VPS13A: variants seen among roughly 807,000 people sequenced by gnomAD.
The protein encoded by VPS13A is vacuolar protein sorting 13 homolog A.
In VPS13A, 264 loss-of-function variants were observed where a neutral mutation model predicts 390.9. The ratio of observed to expected loss-of-function variants is 0.68; its 90% confidence interval spans 0.61 to 0.75. VPS13A has a LOEUF of 0.75. Ranked by LOEUF, VPS13A falls within the 30% of genes least tolerant of loss-of-function variation. The probability of loss-of-function intolerance (pLI) is 0.00; values close to 1 mark genes in which losing one functional copy is unlikely to be tolerated. For synonymous variants in VPS13A, 1,231 were observed against 1,227.1 expected (o/e 1.00, Z -0.07); for missense variants, 3,409 against 3,733.9 (o/e 0.91, Z 2.27).
intron 9 of VPS13A, among the ~76,000 whole-genome samples, chr9:77,213,998 A>G (rs2131156401): frequency 6.6e-6 from 1 of 151,842 alleles, no homozygotes; most frequent in South Asian, 2.1e-4. Flanking sequence ...GAATATGGCT[A>G]GGCGTGGTGG....
chr9:77,345,255 T>C (rs1831086883), intron 52 of VPS13A, 113 bp downstream of exon 52: 3 of 1,141,878 alleles, frequency 2.6e-6, no homozygotes, highest in African/African-American at 3.1e-5. Context: ...ATTGTAGCTG[T>C]GTAAAACAGT....
chr9:77,297,153 G>C (rs957232324), intron 33 of VPS13A, among the ~76,000 whole-genome samples: 1 of 150,898 alleles, frequency 6.6e-6, no homozygotes, highest in Admixed American at 6.6e-5. Flanking sequence ...CTTACTTTAG[G>C]TTCAATTTTG....
At chr9:77,387,385 TC>T (rs1332848331) in intron 68 of VPS13A, among the ~76,000 whole-genome samples, 1 of 152,194 alleles carries the variant, frequency 6.6e-6, no homozygotes, top group Non-Finnish European at 1.5e-5. Context: ...GCCACACCTT[TC>T]CATATGCTTT....
chr9:77,411,660 C>CAAAAAAA (rs1169254413), intron 71 of VPS13A, among the ~76,000 whole-genome samples: 1,242 of 33,858 alleles, frequency 0.037, 119 homozygotes, highest in South Asian at 0.06. Context: ...AACTCCATCT[C>CAAAAAAA]AAAAAAAAAA....
At position 77,315,488 on chromosome 9, in the gene VPS13A, A is replaced by G. The variant is rs746297134; in HGVS notation, c.4630+18A>G. ...GGAAGAAGGTTAGTTATTGGCTAAA[A>G]TATTTAATATTTGTTTTATTGAAGT... On this transcript the variant is annotated intron_variant, in intron 38 of 71. Transcript: ENST00000360280. 6.8e-6 allele frequency: 11 copies of G among 1,608,614 alleles called. No homozygotes were observed. The South Asian group carries it at 1.1e-4, about 16-fold the overall frequency.
intron 24 of VPS13A, among the ~76,000 whole-genome samples, chr9:77,274,647 ATAAC>A (rs1564686113): frequency 1.3e-5 from 2 of 152,088 alleles, no homozygotes; most frequent in African/African-American, 4.8e-5. Flanking sequence ...ATAAAAATAT[ATAAC>A]TATTCTGATA....
intron 71 of VPS13A, among the ~76,000 whole-genome samples, chr9:77,412,392 T>C (rs891578964): frequency 1.2e-4 from 18 of 152,278 alleles, no homozygotes; most frequent in Non-Finnish European, 2.4e-4. Context: ...AAAGCTTATC[T>C]ACCATGATCA....
intron 33 of VPS13A, among the ~76,000 whole-genome samples, chr9:77,298,501 T>C (rs1382040836): frequency 1.3e-5 from 2 of 152,166 alleles, no homozygotes; most frequent in Admixed American, 6.5e-5. Context: ...CCTGCTGATA[T>C]TGTTAACCAT....
chr9:77,393,268 A>G (rs1808387702), intron 68 of VPS13A, among the ~76,000 whole-genome samples: 1 of 152,164 alleles, frequency 6.6e-6, no homozygotes, highest in Admixed American at 6.5e-5. Context: ...TTCATGCTCC[A>G]CTTCTAATCC....
In VPS13A at chr9:77,321,727, A is replaced by C; in HGVS notation, c.5811A>C (p.Lys1937Asn). Residue 1937 changes from lysine (K) to asparagine (N), a missense_variant, in exon 44 of 72, where the codon AAA becomes AAC. This residue lies in a region of VPS13A where 2,717 missense variants were observed against 2,917.4 expected (regional missense o/e 0.93). Coordinates refer to ENST00000360280, the MANE Select transcript of VPS13A (RefSeq NM_033305.3). Reference protein sequence around the residue: ...HFNAMTSLSSKLFFILLTPVN... With the variant: ...HFNAMTSLSSNLFFILLTPVN... ...ATGCAATGACCAGCCTAAGCAGCAA[A>C]CTCTTCTTCATTCTTCTTAGTAAGT... The C allele has an allele frequency of 6.2e-7, 1 of 1,612,938 alleles. No homozygotes were observed. The highest frequency in any genetic ancestry group is 8.5e-7 in the Non-Finnish European group (1 of 1,179,382).
At chr9:77,411,769 T>C (rs150760621) in intron 71 of VPS13A, among the ~76,000 whole-genome samples, 3 of 124,244 alleles carry the variant, frequency 2.4e-5, no homozygotes, top group East Asian at 2.5e-4. Context: ...CTGAAGGAAA[T>C]AGACACAAAA....
intron 31 of VPS13A, among the ~76,000 whole-genome samples, chr9:77,285,681 G>A (rs889520032): frequency 2.6e-5 from 4 of 152,074 alleles, no homozygotes; most frequent in Non-Finnish European, 5.9e-5. Context: ...TGAAAAATTT[G>A]TATAGAATTT....
intron 19 of VPS13A, among the ~76,000 whole-genome samples, chr9:77,239,080 C>G (rs1824315435): frequency 6.6e-6 from 1 of 150,928 alleles, no homozygotes; most frequent in Non-Finnish European, 1.5e-5. Context: ...TTTTTTTTCC[C>G]CTTTTGTCAC....
intron 22 of VPS13A, among the ~76,000 whole-genome samples, chr9:77,254,717 C>T (rs1033585508): frequency 6.6e-6 from 1 of 152,102 alleles, no homozygotes; most frequent in Non-Finnish European, 1.5e-5. Context: ...TTTTCTAGGT[C>T]TCAGTACTAA....
intron 71 of VPS13A, 96 bp downstream of exon 71, chr9:77,407,703 T>TTTTTG: frequency 4.1e-6 from 4 of 977,448 alleles, no homozygotes; most frequent in Non-Finnish European, 6.3e-6. Flanking sequence ...TGTTTGGGGG[T>TTTTTG]TTTTGTTTGT....
At chr9:77,200,218 G>A (rs565743452) in intron 2 of VPS13A, among the ~76,000 whole-genome samples, 1 of 152,226 alleles carries the variant, frequency 6.6e-6, no homozygotes, top group South Asian at 2.1e-4. Context: ...TGGGCATGGT[G>A]GCTCATGCCT....
At chr9:77,242,918 GTTTTC>G (rs2131247470) in intron 19 of VPS13A, among the ~76,000 whole-genome samples, 1 of 151,784 alleles carries the variant, frequency 6.6e-6, no homozygotes, top group East Asian at 1.9e-4. Context: ...TTCCAACTTT[GTTTTC>G]TTTTCTATAC....
At chr9:77,336,546 A>T (rs1468125004) in intron 46 of VPS13A, among the ~76,000 whole-genome samples, 1 of 152,048 alleles carries the variant, frequency 6.6e-6, no homozygotes, top group Non-Finnish European at 1.5e-5. Context: ...TAGTTTATGA[A>T]TTCAGTCATG....
intron 17 of VPS13A, among the ~76,000 whole-genome samples, chr9:77,230,461 C>T (rs1377907520): frequency 1.3e-5 from 2 of 152,152 alleles, no homozygotes; most frequent in East Asian, 3.9e-4. Context: ...ATTCAGTTGT[C>T]CTAGCACCAT....
Sources: gnomAD v4.1 joint callset for allele counts (sites outside exome capture counted in the v4.1 genomes callset) on GRCh38, gnomAD v4.1.1 for gene constraint, gnomAD v4.1.1 regional missense constraint, MANE v1.5 for transcripts, NCBI Gene and HGNC (gene_info 2026-07-23, HGNC 2026-07-21) for gene names.